Variants in FRMD3 observed in about 807,000 individuals in gnomAD.
The protein encoded by FRMD3 is FERM domain-containing protein 3.
In FRMD3, 33 loss-of-function variants were observed where a neutral mutation model predicts 70.2. The observed-to-expected ratio is 0.47, with a 90% CI of 0.36 to 0.63. FRMD3 has a LOEUF of 0.63. Ranked by LOEUF, FRMD3 falls within the 20% of genes least tolerant of loss-of-function variation. FRMD3 has a pLI of 0.00. For missense variants in FRMD3, 632 were observed against 711.4 expected (o/e 0.89, Z 1.27); for synonymous variants, 279 against 255.9 (o/e 1.09, Z -0.86).
At chr9:83,360,855 T>C (rs1824560259) in intron 3 of FRMD3, among the ~76,000 whole-genome samples, 1 of 152,232 alleles carries the variant, frequency 6.6e-6, no homozygotes, top group African/African-American at 2.4e-5. Flanking sequence ...TCATTACTAT[T>C]GTTACTGTCC....
intron 13 of FRMD3, among the ~76,000 whole-genome samples, chr9:83,285,212 CACAT>C (rs1484425398): frequency 6.6e-6 from 1 of 152,200 alleles, no homozygotes; most frequent in Admixed American, 6.5e-5. Flanking sequence ...ACATGCACAA[CACAT>C]ACATGCATTC....
At chr9:83,370,839 G>A (rs972362908) in intron 3 of FRMD3, among the ~76,000 whole-genome samples, 1 of 152,186 alleles carries the variant, frequency 6.6e-6, no homozygotes, top group African/African-American at 2.4e-5. Flanking sequence ...TTGAACCTGG[G>A]AGGTGAGATT....
At chr9:83,273,246 A>C (rs907631594) in intron 13 of FRMD3, among the ~76,000 whole-genome samples, 1 of 152,180 alleles carries the variant, frequency 6.6e-6, no homozygotes, top group African/African-American at 2.4e-5. Flanking sequence ...GTCTGTGTAG[A>C]AAGAAGTAGA....
At chr9:83,565,790 A>G in the FRMD3 span, among the ~76,000 whole-genome samples, 3 of 152,202 alleles carry the variant, frequency 2.0e-5, no homozygotes, top group African/African-American at 7.2e-5. Flanking sequence ...GAATTTTCCA[A>G]TTACGGGAAT....
Position 83,247,936 on chromosome 9 carries a change from G to T in FRMD3, c.1776C>A (p.Tyr592Ter). Residue 592 changes from tyrosine to a stop codon, truncating the protein, a stop_gained, in exon 14 of 14, where the codon TAC (tyrosine) becomes TAA (stop). Coordinates refer to ENST00000304195, the MANE Select transcript of FRMD3 (RefSeq NM_174938.6). LOFTEE classifies it high-confidence loss of function. ...WVAGKVHLIL[Y>*]MLGCS is the part of the protein sequence containing the mutation. Reference sequence around the variant, plus strand: ...ATTAACTTCATGAGCAACCCAGCATGTAGAGGATGAGGTGGACTTTCCCAG... The same window carrying T: ...ATTAACTTCATGAGCAACCCAGCATTTAGAGGATGAGGTGGACTTTCCCAG... 6.2e-7 allele frequency: 1 copy of T among 1,614,106 alleles called. No individual in the cohort carries two copies.
chr9:83,560,090 C>T, the FRMD3 span, among the ~76,000 whole-genome samples: 1 of 152,148 alleles, frequency 6.6e-6, no homozygotes, highest in Non-Finnish European at 1.5e-5. Context: ...ATACATTATC[C>T]TCTTCATTCA....
chr9:83,342,331 C>A (rs146783927), intron 5 of FRMD3, among the ~76,000 whole-genome samples: 1 of 152,288 alleles, frequency 6.6e-6, no homozygotes, highest in East Asian at 1.9e-4. Context: ...AGCTATTTCC[C>A]CTAGGGTTTG....
intron 1 of FRMD3, among the ~76,000 whole-genome samples, chr9:83,392,363 T>C (rs1159553453): frequency 6.6e-6 from 1 of 152,154 alleles, no homozygotes; most frequent in South Asian, 2.1e-4. Flanking sequence ...TTGTCATTTT[T>C]GTCCCTTAAG....
chr9:83,456,515 C>T (rs1827821597), intron 1 of FRMD3, among the ~76,000 whole-genome samples: 1 of 152,140 alleles, frequency 6.6e-6, no homozygotes, highest in Non-Finnish European at 1.5e-5. Context: ...AATTTAACTC[C>T]CACCAGACAT....
chr9:83,502,127 A>G (rs1386759250), intron 1 of FRMD3, among the ~76,000 whole-genome samples: 2 of 152,174 alleles, frequency 1.3e-5, no homozygotes, highest in African/African-American at 2.4e-5. Context: ...GGCAGTGCCA[A>G]TTAGGGAGAA....
At chr9:83,249,922 TCA>T (rs1338615509) in intron 13 of FRMD3, among the ~76,000 whole-genome samples, 1 of 152,062 alleles carries the variant, frequency 6.6e-6, no homozygotes, top group African/African-American at 2.4e-5. Flanking sequence ...CATAAAGTTA[TCA>T]GATGACCCAG....
chr9:83,273,543 T>A (rs904108598), intron 13 of FRMD3, among the ~76,000 whole-genome samples: 2 of 151,122 alleles, frequency 1.3e-5, no homozygotes, highest in Non-Finnish European at 2.9e-5. Flanking sequence ...CCTTGTTCAC[T>A]TGTTTATCTG....
the FRMD3 span, among the ~76,000 whole-genome samples, chr9:83,568,300 C>A: frequency 1.2e-3 from 178 of 152,242 alleles, 1 homozygote; most frequent in African/African-American, 4.1e-3. Context: ...CTGGGAGATA[C>A]AATTCAAGTA....
chr9:83,535,710 G>A (rs1412357674), intron 1 of FRMD3, among the ~76,000 whole-genome samples: 1 of 152,036 alleles, frequency 6.6e-6, no homozygotes, highest in African/African-American at 2.4e-5. Flanking sequence ...GTGGCCCAGG[G>A]AAGCCAGAAA....
In FRMD3 at chr9:83,369,626, TAC is replaced by T. The variant is rs1824906869; in HGVS notation, c.295+3285_295+3286del. On this transcript the variant is annotated intron_variant, in intron 3 of 13. Coordinates refer to ENST00000304195, the MANE Select transcript of FRMD3 (RefSeq NM_174938.6). ...TAAATAAATAAATAAATAAATAAAA[TAC>T]ACACATACAATTAACTCAGAAAACC... is the stretch of plus-strand genomic sequence containing the variant. 2.2e-5 allele frequency among the ~76,000 whole-genome samples: 3 copies of T among 138,870 alleles called. No homozygotes were observed. The Admixed American group carries it at 2.2e-4, about 10-fold the overall frequency. The allele number at this position is 138,870 out of a possible 152,430, so 91.1% of individuals were successfully genotyped here.
the FRMD3 span, among the ~76,000 whole-genome samples, chr9:83,549,547 C>T: frequency 6.6e-6 from 1 of 152,110 alleles, no homozygotes; most frequent in African/African-American, 2.4e-5. Flanking sequence ...AATGGTTAAA[C>T]TAATTTACAC....
chr9:83,248,778 C>G (rs1236800286), intron 13 of FRMD3, among the ~76,000 whole-genome samples: 1 of 152,198 alleles, frequency 6.6e-6, no homozygotes, highest in African/African-American at 2.4e-5. Flanking sequence ...CAATTTTGAT[C>G]TGCAAACCTT....
intron 1 of FRMD3, among the ~76,000 whole-genome samples, chr9:83,480,685 G>C (rs1387807226): frequency 6.6e-6 from 1 of 152,086 alleles, no homozygotes; most frequent in Non-Finnish European, 1.5e-5. Context: ...AGTAGAGACA[G>C]GGTTTCTCCA....
chr9:83,395,693 AAAC>A (rs1825793128), intron 1 of FRMD3, among the ~76,000 whole-genome samples: 2 of 152,322 alleles, frequency 1.3e-5, no homozygotes, highest in South Asian at 2.1e-4. Context: ...AGTAAAATTA[AAAC>A]AACAATAAAT....
Sources: allele counts gnomAD v4.1 joint callset (sites outside exome capture counted in the v4.1 genomes callset), GRCh38; gene constraint gnomAD v4.1.1; transcripts MANE v1.5; gene names NCBI Gene and HGNC (gene_info 2026-07-23, HGNC 2026-07-21).